The following UBE2G1 variants were observed in gnomAD, a reference collection of about 807,000 sequenced individuals.
UBE2G1 encodes ubiquitin conjugating enzyme E2 G1, also known as ubiquitin-conjugating enzyme E2 G1.
A neutral mutation model predicts 22.7 loss-of-function variants in UBE2G1; 5 were observed. The observed-to-expected ratio is 0.22, with a 90% CI of 0.12 to 0.46. The LOEUF (loss-of-function observed/expected upper bound fraction) is 0.46. Ranked by LOEUF, UBE2G1 falls within the 20% of genes least tolerant of loss-of-function variation. The pLI is 0.99. For missense variants in UBE2G1, 88 were observed against 203.9 expected (o/e 0.43, Z 3.46); for synonymous variants, 74 against 67.5 (o/e 1.10, Z -0.47).
At chr17:4,348,540 G>A (rs1182582619) in intron 1 of UBE2G1, among the ~76,000 whole-genome samples, 9 of 127,180 alleles carry the variant, frequency 7.1e-5, no homozygotes, top group Admixed American at 3.2e-4. Context: ...GCGACAGAGC[G>A]AGACTCCGTC....
intron 4 of UBE2G1, among the ~76,000 whole-genome samples, chr17:4,284,119 T>C (rs1968929335): frequency 7.0e-6 from 1 of 143,282 alleles, no homozygotes; most frequent in Non-Finnish European, 1.5e-5. Context: ...ATCGTGACAC[T>C]GCACTCCAGC....
At chr17:4,284,264 A>G (rs1167440389) in intron 4 of UBE2G1, among the ~76,000 whole-genome samples, 1 of 152,004 alleles carries the variant, frequency 6.6e-6, no homozygotes, top group Non-Finnish European at 1.5e-5. Context: ...CCAAAATAAT[A>G]ATATATAAAC....
At chr17:4,329,245 A>G (rs1257928758) in intron 1 of UBE2G1, among the ~76,000 whole-genome samples, 1 of 152,124 alleles carries the variant, frequency 6.6e-6, no homozygotes, top group Non-Finnish European at 1.5e-5. Flanking sequence ...CAAAAATACA[A>G]AAAATGAGTC....
At chr17:4,311,740 C>T (rs1390205347) in intron 1 of UBE2G1, among the ~76,000 whole-genome samples, 1 of 152,134 alleles carries the variant, frequency 6.6e-6, no homozygotes, top group African/African-American at 2.4e-5. Context: ...CGTGAATACA[C>T]GAAACACCAC....
At chr17:4,293,631 G>A (rs1317115169) in intron 3 of UBE2G1, among the ~76,000 whole-genome samples, 2 of 152,110 alleles carry the variant, frequency 1.3e-5, no homozygotes, top group Non-Finnish European at 2.9e-5. Context: ...TTACCTTCTT[G>A]CCAGTAGTGC....
Position 4,363,448 on chromosome 17 carries a change from C to T in UBE2G1, c.46+2823G>A, listed in dbSNP as rs370379714. On this transcript the variant is annotated intron_variant, in intron 1 of 5. Transcript: ENST00000396981. ...CAGAAAGTCAATCATTAAGAAAGAG[C>T]TTTGGGACGTTTTATTAATATTTGC... is the stretch of plus-strand genomic sequence containing the variant. Among the ~76,000 whole-genome samples, 66 of 152,070 alleles carry T rather than the reference C, an allele frequency of 4.3e-4. 1 individual carries two copies. The South Asian group carries it at 0.012, about 27-fold the overall frequency.
chr17:4,338,142 C>G (rs968030928), intron 1 of UBE2G1, among the ~76,000 whole-genome samples: 8 of 151,276 alleles, frequency 5.3e-5, no homozygotes, highest in African/African-American at 1.9e-4. Flanking sequence ...TGCACTGCAG[C>G]CTAGGCGACA....
At chr17:4,330,976 C>CCACACACACATA (rs371710129) in intron 1 of UBE2G1, among the ~76,000 whole-genome samples, 1 of 143,576 alleles carries the variant, frequency 7.0e-6, no homozygotes, top group African/African-American at 2.7e-5. Flanking sequence ...ACCTTTAAAA[C>CCACACACACATA]CACACACACA....
In UBE2G1 at chr17:4,308,024, G is replaced by A. The variant is rs534305118; in HGVS notation, c.47-901C>T. 8.5e-4 allele frequency among the ~76,000 whole-genome samples: 129 copies of A among 152,236 alleles called. 1 individual carries two copies. Among genetic ancestry groups the A allele is most frequent in the Non-Finnish European group, 1.5e-3 (101 of 68,012 alleles). ...AGAAATTTTTAAACAACTTTAATGA[G>A]GTATAACTGACATTCAGTGAACTGC... On this transcript the variant is annotated intron_variant, in intron 1 of 5. Transcript: ENST00000396981.
chr17:4,362,679 TGTTTTAA>T (rs1441659120), intron 1 of UBE2G1, among the ~76,000 whole-genome samples: 1 of 152,224 alleles, frequency 6.6e-6, no homozygotes, highest in Non-Finnish European at 1.5e-5. Flanking sequence ...TAGCCATTGT[TGTTTTAA>T]GTTTTTGGAA....
At chr17:4,273,992 ATT>A (rs796303488) in intron 5 of UBE2G1, among the ~76,000 whole-genome samples, 1 of 148,016 alleles carries the variant, frequency 6.8e-6, no homozygotes, top group Non-Finnish European at 1.5e-5. Context: ...GAACTTACCA[ATT>A]TTTTTTTTTG....
chr17:4,298,518 A>C (rs77761118), intron 2 of UBE2G1, among the ~76,000 whole-genome samples: 2,295 of 152,296 alleles, frequency 0.015, 23 homozygotes, highest in Middle Eastern at 0.065. Flanking sequence ...TTTTCTGATC[A>C]TAAGACATGG....
intron 1 of UBE2G1, among the ~76,000 whole-genome samples, chr17:4,307,431 C>T (rs542670223): frequency 6.6e-6 from 1 of 152,262 alleles, no homozygotes; most frequent in South Asian, 2.1e-4. Flanking sequence ...AGGCCCGTCC[C>T]CCAGAGATTC....
Position 4,289,217 on chromosome 17 carries a change from G to A in UBE2G1, c.426+13C>T. ...GGAAAGTGAAGGGAAGGGAAGACGT[G>A]TGACCACCTTACCGCAGCATCAACA... is the stretch of plus-strand genomic sequence containing the variant. On this transcript the variant is annotated intron_variant, in intron 4 of 5. Transcript: ENST00000396981. 1 of 1,517,224 alleles carries A rather than the reference G, an allele frequency of 6.6e-7. No individual in the cohort carries two copies. The highest frequency in any genetic ancestry group is 8.9e-7 in the Non-Finnish European group (1 of 1,129,704). The allele number at this position is 1,517,224 out of a possible 1,614,324, so 94.0% of individuals were successfully genotyped here. A position where few individuals can be genotyped will look rare whatever the true frequency, so the allele number is the denominator to read the frequency against.
chr17:4,303,589 G>A (rs1969213072), intron 2 of UBE2G1, among the ~76,000 whole-genome samples: 2 of 152,122 alleles, frequency 1.3e-5, no homozygotes, highest in African/African-American at 4.8e-5. Context: ...AACACTACGT[G>A]ATAAACCGCA....
intron 4 of UBE2G1, 118 bp downstream of exon 4, chr17:4,289,106 TACACAC>T (rs71144179): frequency 0.025 from 11,989 of 488,198 alleles, 1 homozygote; most frequent in East Asian, 0.06. Context: ...TGGGAAGAGA[TACACAC>T]ACACACACAC....
At position 4,301,474 on chromosome 17, in the gene UBE2G1, A is replaced by G; in HGVS notation, c.150-4660T>C. 3.7e-6 allele frequency: 3 copies of G among 800,216 alleles called. No homozygotes were observed. The South Asian group carries it at 4.0e-5, about 11-fold the overall frequency. The allele number at this position is 800,216 out of a possible 1,614,324, so 49.6% of individuals were successfully genotyped here. ...TTCAGCAGCTATTTTTGCTATAATA[A>G]TCCTGCTGCCCTTCAGACTCAGGAT... On this transcript the variant is annotated intron_variant, in intron 2 of 5. Transcript: ENST00000396981.
At chr17:4,315,633 G>A (rs1038889029) in intron 1 of UBE2G1, among the ~76,000 whole-genome samples, 2 of 150,280 alleles carry the variant, frequency 1.3e-5, no homozygotes, top group East Asian at 4.0e-4. Flanking sequence ...CCAGCTACTC[G>A]GGAGGCTGAG....
In UBE2G1 at chr17:4,366,360, G is replaced by A. The variant is rs754130550; in HGVS notation, c.-44C>T. The A allele has an allele frequency of 2.7e-6, 4 of 1,496,950 alleles. No individual in the cohort carries two copies. Among genetic ancestry groups the A allele is most frequent in the Non-Finnish European group, 3.5e-6 (4 of 1,132,172 alleles). The allele number at this position is 1,496,950 out of a possible 1,614,324, so 92.7% of individuals were successfully genotyped here. Reference sequence around the variant, plus strand: ...GGGCTGGCGCCGGGGCTTCCGAAGGGCTGGGGACAGGCTCTGGGGGCGGCT... The same window carrying A: ...GGGCTGGCGCCGGGGCTTCCGAAGGACTGGGGACAGGCTCTGGGGGCGGCT... On this transcript the variant is annotated 5_prime_UTR_variant, in exon 1 of 6. Coordinates refer to ENST00000396981, the MANE Select transcript of UBE2G1 (RefSeq NM_003342.5).
Sources: gnomAD v4.1 joint callset for allele counts (sites outside exome capture counted in the v4.1 genomes callset) on GRCh38, gnomAD v4.1.1 for gene constraint, MANE v1.5 for transcripts, NCBI Gene and HGNC (gene_info 2026-07-23, HGNC 2026-07-21) for gene names.